The following SLC4A10 variants were observed in gnomAD, a reference collection of about 807,000 sequenced individuals.
SLC4A10 encodes the protein solute carrier family 4 member 10, also known as sodium-driven chloride bicarbonate exchanger.
SLC4A10 carries 42 observed loss-of-function variants against 137.7 expected under a neutral mutation model. The observed-to-expected ratio is 0.30, with a 90% CI of 0.24 to 0.39. The LOEUF (loss-of-function observed/expected upper bound fraction) is 0.39. Ranked by LOEUF, SLC4A10 falls within the 10% of genes least tolerant of loss-of-function variation. SLC4A10 has a pLI of 1.00. For missense variants in SLC4A10, 925 were observed against 1,355.0 expected, an observed-to-expected ratio of 0.68 and a Z score of 4.98; for synonymous variants, 474 against 464.1, an observed-to-expected ratio of 1.02 and a Z score of -0.27.
chr2:161,819,191 A>T (rs549612340), intron 3 of SLC4A10, among the ~76,000 whole-genome samples: 1 of 152,034 alleles, frequency 6.6e-6, no homozygotes, highest in Non-Finnish European at 1.5e-5. Context: ...TTTAATATAG[A>T]CGGAAGAGTT....
At chr2:161,749,942 T>G (rs2048787503) in intron 1 of SLC4A10, among the ~76,000 whole-genome samples, 1 of 151,834 alleles carries the variant, frequency 6.6e-6, no homozygotes, top group Non-Finnish European at 1.5e-5. Flanking sequence ...ATTATTGGTC[T>G]GTTCAAGCTT....
At chr2:161,860,513 C>T (rs2060377554) in intron 5 of SLC4A10, among the ~76,000 whole-genome samples, 2 of 152,230 alleles carry the variant, frequency 1.3e-5, no homozygotes, top group South Asian at 2.1e-4. Context: ...TTACAACTTC[C>T]ATTATGAAGT....
chr2:161,736,898 G>C (rs965259713), intron 1 of SLC4A10, among the ~76,000 whole-genome samples: 1 of 152,142 alleles, frequency 6.6e-6, no homozygotes, highest in Admixed American at 6.6e-5. Context: ...CTGTCACCCA[G>C]GTTGGAGTGC....
chr2:161,956,145 T>G (rs560289228), intron 19 of SLC4A10, among the ~76,000 whole-genome samples: 36 of 152,340 alleles, frequency 2.4e-4, no homozygotes, highest in African/African-American at 7.9e-4. Context: ...TAACATTTTC[T>G]GATTGCTTTC....
chr2:161,779,127 G>A (rs1247277444), intron 2 of SLC4A10, among the ~76,000 whole-genome samples: 2 of 151,958 alleles, frequency 1.3e-5, no homozygotes, highest in African/African-American at 2.4e-5. Flanking sequence ...GTGGCCATGT[G>A]TGAAAGGGCA....
intron 10 of SLC4A10, among the ~76,000 whole-genome samples, chr2:161,886,392 C>T (rs1256098518): frequency 6.6e-6 from 1 of 152,092 alleles, no homozygotes; most frequent in African/African-American, 2.4e-5. Flanking sequence ...GAAGCACGTA[C>T]TTTTAAAGAA....
chr2:161,638,552 G>A (rs1253621698), intron 1 of SLC4A10, among the ~76,000 whole-genome samples: 1 of 152,040 alleles, frequency 6.6e-6, no homozygotes, highest in Non-Finnish European at 1.5e-5. Flanking sequence ...TTGAAGTCAG[G>A]TAGTGTGATA....
intron 3 of SLC4A10, among the ~76,000 whole-genome samples, chr2:161,816,496 T>C (rs2057071770): frequency 6.6e-6 from 1 of 151,968 alleles, no homozygotes. Context: ...TTTATTATTA[T>C]ACTTTAAGTT....
At chr2:161,834,300 G>A (rs2058624938) in intron 3 of SLC4A10, among the ~76,000 whole-genome samples, 1 of 152,130 alleles carries the variant, frequency 6.6e-6, no homozygotes, top group Non-Finnish European at 1.5e-5. Context: ...GACATAATGA[G>A]TCTCTGTAAA....
chr2:161,811,312 A>T (rs954583989), intron 3 of SLC4A10, among the ~76,000 whole-genome samples: 1 of 151,506 alleles, frequency 6.6e-6, no homozygotes, highest in African/African-American at 2.4e-5. Context: ...CAAAAAACAA[A>T]CTCTGTTTCA....
rs79100353 is a variant in SLC4A10, at chr2:161,914,653, A to AT, written c.1997+8777dup. ...TAAATGAATGAAGTACTCATGGAAG[A>AT]TTTTTTTTTTTATTATAAAAGCAGA... On this transcript the variant is annotated intron_variant, in intron 15 of 26. Transcript: ENST00000446997. Among the ~76,000 whole-genome samples the AT allele has an allele frequency of 6.4e-4, 95 of 148,942 alleles. No homozygotes were observed. In the East Asian group the frequency reaches 8.4e-3, roughly 13 times the overall value.
At chr2:161,876,645 C>A (rs2061467160) in intron 8 of SLC4A10, among the ~76,000 whole-genome samples, 1 of 152,180 alleles carries the variant, frequency 6.6e-6, no homozygotes, top group Admixed American at 6.6e-5. Flanking sequence ...GATCGCACCA[C>A]TGCACTCCAC....
At chr2:161,914,143 C>T (rs958156501) in intron 15 of SLC4A10, among the ~76,000 whole-genome samples, 1 of 152,124 alleles carries the variant, frequency 6.6e-6, no homozygotes, top group African/African-American at 2.4e-5. Flanking sequence ...ATTTGGTCAG[C>T]TCAGCACATT....
At position 161,950,669 on chromosome 2, in the gene SLC4A10, A is replaced by G. The variant is rs1279244623; in HGVS notation, c.2380-18A>G. ...ATTAATCCAGTTCATAACTATGCAC[A>G]TTCTTTACTTTATACAGCCCACTAG... On this transcript the variant is annotated intron_variant, in intron 18 of 26. Coordinates refer to ENST00000446997, the MANE Select transcript of SLC4A10 (RefSeq NM_001178015.2). 6.4e-7 allele frequency: 1 copy of G among 1,568,964 alleles called. No individual in the cohort carries two copies. The highest frequency in any genetic ancestry group is 8.7e-7 in the Non-Finnish European group (1 of 1,155,086).
chr2:161,921,424 G>C (rs1360565132), intron 15 of SLC4A10, among the ~76,000 whole-genome samples: 1 of 152,176 alleles, frequency 6.6e-6, no homozygotes, highest in Non-Finnish European at 1.5e-5. Context: ...AGGTTAGAAG[G>C]TGATCACAGG....
At chr2:161,859,665 A>G (rs1194705112) in intron 5 of SLC4A10, among the ~76,000 whole-genome samples, 26 of 130,324 alleles carry the variant, frequency 2.0e-4, no homozygotes, top group South Asian at 4.7e-4. Flanking sequence ...CAGTGGCGCA[A>G]TCTCGGCTCA....
At chr2:161,765,410 C>G (rs2050695616) in intron 1 of SLC4A10, among the ~76,000 whole-genome samples, 1 of 152,004 alleles carries the variant, frequency 6.6e-6, no homozygotes, top group Admixed American at 6.6e-5. Context: ...AGTTCAAGAC[C>G]AGGTTGGCCA....
chr2:161,693,376 C>T (rs2042183633), intron 1 of SLC4A10, among the ~76,000 whole-genome samples: 1 of 151,978 alleles, frequency 6.6e-6, no homozygotes, highest in Non-Finnish European at 1.5e-5. Flanking sequence ...TCAAAAATGA[C>T]AGAATAAAAG....
intron 1 of SLC4A10, among the ~76,000 whole-genome samples, chr2:161,657,523 A>G (rs1274930947): frequency 6.6e-6 from 1 of 152,030 alleles, no homozygotes; most frequent in Non-Finnish European, 1.5e-5. Context: ...AGAAGAATAA[A>G]TAAAAGATTT....
Sources: allele counts gnomAD v4.1 joint callset (sites outside exome capture counted in the v4.1 genomes callset), GRCh38; gene constraint gnomAD v4.1.1; transcripts MANE v1.5; gene names NCBI Gene and HGNC (gene_info 2026-07-23, HGNC 2026-07-21).